PALM2AKAP2: variants seen among roughly 807,000 people sequenced by gnomAD.
PALM2AKAP2 encodes PALM2-AKAP2 fusion protein.
In PALM2AKAP2, 37 loss-of-function variants were observed where a neutral mutation model predicts 71.5. The observed-to-expected ratio is 0.52, with a 90% confidence interval of 0.40 to 0.68. PALM2AKAP2 has a LOEUF of 0.68. Ranked by LOEUF, PALM2AKAP2 falls within the 30% of genes least tolerant of loss-of-function variation. PALM2AKAP2 has a pLI of 0.00. For synonymous variants in PALM2AKAP2, 468 were observed against 478.8 expected, an observed-to-expected ratio of 0.98 and a Z score of 0.29; for missense variants, 1,224 against 1,191.8, an observed-to-expected ratio of 1.03 and a Z score of -0.40.
At chr9:109,833,273 T>C (rs1421359499) in intron 1 of PALM2AKAP2, among the ~76,000 whole-genome samples, 2 of 152,162 alleles carry the variant, frequency 1.3e-5, no homozygotes, top group Non-Finnish European at 2.9e-5. Context: ...GAGAATTGCT[T>C]GAACCTGGGA....
At chr9:109,734,373 G>T (rs536891864) in intron 1 of PALM2AKAP2, among the ~76,000 whole-genome samples, 11 of 152,112 alleles carry the variant, frequency 7.2e-5, no homozygotes, top group Admixed American at 3.3e-4. Flanking sequence ...AACTAACATT[G>T]AACTGTGCTG....
chr9:109,748,391 C>T (rs962117245), intron 1 of PALM2AKAP2, among the ~76,000 whole-genome samples: 8 of 152,144 alleles, frequency 5.3e-5, no homozygotes, highest in African/African-American at 1.9e-4. Context: ...GTTCCCAAGA[C>T]AGCTGGGGCA....
At chr9:109,712,529 G>A (rs1157052771) in intron 1 of PALM2AKAP2, among the ~76,000 whole-genome samples, 1 of 152,212 alleles carries the variant, frequency 6.6e-6, no homozygotes, top group Non-Finnish European at 1.5e-5. Flanking sequence ...TTGTTTTGAT[G>A]CCTTCTGTCT....
chr9:109,807,597 G>A (rs1260588498), intron 1 of PALM2AKAP2, among the ~76,000 whole-genome samples: 5 of 149,584 alleles, frequency 3.3e-5, no homozygotes, highest in African/African-American at 4.9e-5. Flanking sequence ...CCAATATTAT[G>A]AGCATGTAAT....
chr9:109,814,378 G>A (rs1207476195), intron 1 of PALM2AKAP2, among the ~76,000 whole-genome samples: 2 of 152,178 alleles, frequency 1.3e-5, no homozygotes, highest in Non-Finnish European at 2.9e-5. Context: ...AGTACAGGGC[G>A]AGACATACTA....
intron 1 of PALM2AKAP2, among the ~76,000 whole-genome samples, chr9:110,111,313 G>C (rs1835247236): frequency 6.6e-6 from 1 of 151,584 alleles, no homozygotes; most frequent in Non-Finnish European, 1.5e-5. Context: ...GGCTGGTCTT[G>C]AGCTCCTGGC....
intron 6 of PALM2AKAP2, among the ~76,000 whole-genome samples, chr9:109,983,919 A>G (rs1832324913): frequency 6.6e-6 from 1 of 152,174 alleles, no homozygotes; most frequent in South Asian, 2.1e-4. Context: ...GCTCAATGGC[A>G]TCAAGGAGAT....
At chr9:110,154,030 G>T (rs890681557) in intron 2 of PALM2AKAP2, among the ~76,000 whole-genome samples, 8 of 152,186 alleles carry the variant, frequency 5.3e-5, no homozygotes, top group Non-Finnish European at 1.0e-4. Flanking sequence ...CTGGTAATTG[G>T]TGTCTATTTC....
At chr9:110,132,236 G>A (rs2119069637) in intron 1 of PALM2AKAP2, among the ~76,000 whole-genome samples, 1 of 152,262 alleles carries the variant, frequency 6.6e-6, no homozygotes, top group South Asian at 2.1e-4. Flanking sequence ...TGTATTTTCA[G>A]TAGAGATGGG....
chr9:109,723,117 A>G (rs1216624855), intron 1 of PALM2AKAP2, among the ~76,000 whole-genome samples: 1 of 152,196 alleles, frequency 6.6e-6, no homozygotes, highest in African/African-American at 2.4e-5. Context: ...TGTTAGGGCA[A>G]CATCCTTGAT....
intron 7 of PALM2AKAP2, among the ~76,000 whole-genome samples, chr9:110,034,399 C>A (rs182904173): frequency 6.6e-5 from 10 of 152,230 alleles, no homozygotes; most frequent in Admixed American, 4.6e-4. Flanking sequence ...CTCAGGTGAC[C>A]TGCTCGCCTC....
At chr9:110,078,849 A>G (rs1356275432) in intron 1 of PALM2AKAP2, among the ~76,000 whole-genome samples, 1 of 152,220 alleles carries the variant, frequency 6.6e-6, no homozygotes, top group African/African-American at 2.4e-5. Context: ...AACATTTCTC[A>G]TGGTGTGGAA....
intron 3 of PALM2AKAP2, among the ~76,000 whole-genome samples, chr9:109,919,410 A>G (rs1478793460): frequency 6.6e-6 from 1 of 152,198 alleles, no homozygotes; most frequent in Non-Finnish European, 1.5e-5. Flanking sequence ...CTGGGAAAAT[A>G]TTGAAAATTG....
intron 1 of PALM2AKAP2, among the ~76,000 whole-genome samples, chr9:109,731,358 A>G (rs894216875): frequency 4.6e-5 from 7 of 152,220 alleles, no homozygotes; most frequent in African/African-American, 1.7e-4. Context: ...TTTAGTTCTC[A>G]ACAAATTCAT....
chr9:109,826,643 G>C (rs1828157933), intron 1 of PALM2AKAP2, among the ~76,000 whole-genome samples: 1 of 152,188 alleles, frequency 6.6e-6, no homozygotes, highest in Non-Finnish European at 1.5e-5. Context: ...GATAGGGAAA[G>C]AAAGTTTACT....
chr9:110,101,328 G>A (rs1421522818), intron 1 of PALM2AKAP2, among the ~76,000 whole-genome samples: 2 of 152,106 alleles, frequency 1.3e-5, no homozygotes, highest in Non-Finnish European at 2.9e-5. Context: ...AGTGTCCAAG[G>A]GTGGATGTCC....
chr9:110,027,559 C>A (rs1833202790), intron 7 of PALM2AKAP2, among the ~76,000 whole-genome samples: 1 of 152,166 alleles, frequency 6.6e-6, no homozygotes, highest in African/African-American at 2.4e-5. Context: ...GAACAAGAAA[C>A]AAGGTTGGTA....
In PALM2AKAP2 at chr9:110,114,188, C is replaced by T. The variant is rs373569734; in HGVS notation, c.157-21939C>T. On this transcript the variant is annotated intron_variant, in intron 1 of 3. Transcript: ENST00000374525. ...CTTCTGGAGGCTTTGAGGGAGAATC[C>T]GTTCCATGCCTTTCTCCTAGCTTCT... Among the ~76,000 whole-genome samples, 17 of 152,322 alleles carry T rather than the reference C, an allele frequency of 1.1e-4. No individual in the cohort carries two copies. The East Asian group carries it at 1.2e-3, about 10-fold the overall frequency.
chr9:109,685,087 G>C (rs1047493746), intron 1 of PALM2AKAP2, among the ~76,000 whole-genome samples: 2 of 152,140 alleles, frequency 1.3e-5, no homozygotes, highest in African/African-American at 4.8e-5. Flanking sequence ...TGCAATTCTA[G>C]AAGATACAAA....
Sources: allele counts gnomAD v4.1 joint callset (sites outside exome capture counted in the v4.1 genomes callset), GRCh38; gene constraint gnomAD v4.1.1; transcripts MANE v1.5; gene names NCBI Gene and HGNC (gene_info 2026-07-23, HGNC 2026-07-21).